AP1AR: variants seen among roughly 807,000 people sequenced by gnomAD.
AP1AR encodes the protein adaptor related protein complex 1 associated regulatory protein, also known as AP-1 complex-associated regulatory protein.
AP1AR carries 29 observed loss-of-function variants against 46.3 expected under a neutral mutation model. That is an observed-to-expected ratio of 0.63 (90% CI 0.47 to 0.85). AP1AR has a LOEUF of 0.85. Ranked by LOEUF, AP1AR falls within the 40% of genes least tolerant of loss-of-function variation. The probability of loss-of-function intolerance (pLI) is 0.00; values close to 1 mark genes in which losing one functional copy is unlikely to be tolerated. For synonymous variants in AP1AR, 122 were observed against 122.9 expected (o/e 0.99, Z 0.05); for missense variants, 357 against 356.3 (o/e 1.00, Z -0.02).
At chr4:112,252,685 C>G (rs921177936) in intron 1 of AP1AR, among the ~76,000 whole-genome samples, 22 of 152,246 alleles carry the variant, frequency 1.4e-4, no homozygotes, top group African/African-American at 5.3e-4. Context: ...CATTGTTTTT[C>G]TCTTTTATTT....
intron 1 of AP1AR, among the ~76,000 whole-genome samples, chr4:112,240,241 G>C (rs1389923780): frequency 1.3e-5 from 2 of 151,890 alleles, no homozygotes; most frequent in African/African-American, 4.8e-5. Context: ...ACTTTTCCTT[G>C]AATCTATTTC....
chr4:112,259,160 A>C (rs1353570542), intron 4 of AP1AR, among the ~76,000 whole-genome samples: 2 of 152,218 alleles, frequency 1.3e-5, no homozygotes, highest in Non-Finnish European at 2.9e-5. Flanking sequence ...TGAGGTAGTA[A>C]GATAAGGACT....
intron 3 of AP1AR, among the ~76,000 whole-genome samples, chr4:112,255,181 G>T (rs907602159): frequency 6.6e-6 from 1 of 151,962 alleles, no homozygotes; most frequent in Non-Finnish European, 1.5e-5. Flanking sequence ...GGATGGTCTC[G>T]ATCTCCTGAC....
At chr4:112,255,528 G>C (rs574811513) in intron 3 of AP1AR, among the ~76,000 whole-genome samples, 1 of 152,304 alleles carries the variant, frequency 6.6e-6, no homozygotes, top group South Asian at 2.1e-4. Context: ...CCTCAGCTGA[G>C]TAGCTGGGAC....
At position 112,268,229 on chromosome 4, in the gene AP1AR, G is replaced by A. The variant is rs1726787809; in HGVS notation, c.729G>A (p.Lys243=). 6.2e-7 allele frequency: 1 copy of A among 1,612,766 alleles called. No individual in the cohort carries two copies. ...CAGCACTTAAGTATAGCAACAAGAA[G>A]ACTGGAAGTAATCCTACATCAGCCT... ...LRAALKYSNK[K]TGSNPTSASD... is the part of the protein sequence containing the mutation. The change falls in exon 10 of 10, where the codon AAG becomes AAA. Residue 243 remains lysine, a synonymous_variant. Transcript: ENST00000274000.
At chr4:112,252,562 A>C (rs1463820299) in intron 1 of AP1AR, among the ~76,000 whole-genome samples, 2 of 152,236 alleles carry the variant, frequency 1.3e-5, no homozygotes, top group African/African-American at 4.8e-5. Flanking sequence ...GAAGATTCCT[A>C]TTTGACTACA....
chr4:112,260,101 G>C (rs1346671744), intron 4 of AP1AR, among the ~76,000 whole-genome samples: 1 of 152,178 alleles, frequency 6.6e-6, no homozygotes, highest in Non-Finnish European at 1.5e-5. Flanking sequence ...TTCTCTAGCA[G>C]CCTGAAACAG....
rs1578395847 is a variant in AP1AR at position 112,231,972 on chromosome 4, G to C, written c.-120G>C. 1.1e-6 allele frequency: 1 copy of C among 942,134 alleles called. No homozygotes were observed. The highest frequency in any genetic ancestry group is 1.4e-6 in the Non-Finnish European group (1 of 708,708). The allele number at this position is 942,134 out of a possible 1,614,324, so 58.4% of individuals were successfully genotyped here. On this transcript the variant is annotated 5_prime_UTR_variant, in exon 1 of 10. Coordinates refer to ENST00000274000, the MANE Select transcript of AP1AR (RefSeq NM_018569.6). ...GCCCTCACGCCGCCGGGCTCTGGCC[G>C]GCCCGCCCTCGGTCCTTGAACCCCA...
intron 1 of AP1AR, among the ~76,000 whole-genome samples, chr4:112,245,977 A>G (rs370901132): frequency 2.6e-5 from 4 of 152,008 alleles, no homozygotes; most frequent in East Asian, 1.9e-4. Flanking sequence ...TTCACCTAAG[A>G]TTATTAGAAA....
At chr4:112,233,278 C>G (rs1274660629) in intron 1 of AP1AR, among the ~76,000 whole-genome samples, 4 of 152,140 alleles carry the variant, frequency 2.6e-5, no homozygotes, top group Non-Finnish European at 5.9e-5. Flanking sequence ...ATTGTGTCAC[C>G]TCTCTGATAC....
chr4:112,243,915 A>C (rs1725614165), intron 1 of AP1AR, among the ~76,000 whole-genome samples: 1 of 152,116 alleles, frequency 6.6e-6, no homozygotes, highest in Non-Finnish European at 1.5e-5. Flanking sequence ...ACCAATAATG[A>C]ATTTTCATTG....
At chr4:112,246,311 G>A (rs1450477185) in intron 1 of AP1AR, among the ~76,000 whole-genome samples, 1 of 152,126 alleles carries the variant, frequency 6.6e-6, no homozygotes, top group East Asian at 1.9e-4. Context: ...TTCGAGACCA[G>A]CCTGGCCAAT....
chr4:112,253,352 G>A, intron 2 of AP1AR, 96 bp downstream of exon 2: 3 of 848,106 alleles, frequency 3.5e-6, no homozygotes, highest in Non-Finnish European at 5.8e-6. Context: ...CCCAAATTTA[G>A]AATGGACTGT....
Position 112,269,343 on chromosome 4 carries a change from G to C in AP1AR, c.*934G>C. 6.6e-6 allele frequency: 1 copy of C among 152,272 alleles called. No homozygotes were observed. The highest frequency in any genetic ancestry group is 1.9e-4 in the East Asian group (1 of 5,172). 9.4% of individuals were successfully genotyped at this position (152,272 alleles called of 1,614,324 possible). ...TGAAAGGCTCCATTGATTTTATTAAGCCTTCCTTTACCTTGTAGTACAAGG... is the reference window on the plus strand; with the variant it reads ...TGAAAGGCTCCATTGATTTTATTAACCCTTCCTTTACCTTGTAGTACAAGG... On this transcript the variant is annotated 3_prime_UTR_variant, in exon 10 of 10. Transcript: ENST00000274000.
At chr4:112,236,400 C>CCT (rs1725241647) in intron 1 of AP1AR, among the ~76,000 whole-genome samples, 1 of 143,398 alleles carries the variant, frequency 7.0e-6, no homozygotes, top group African/African-American at 2.6e-5. Context: ...ATTTCTAAGT[C>CCT]TTTTTTTTTT....
At position 112,270,172 on chromosome 4, in the gene AP1AR, TGGA is replaced by T. The variant is rs1726892635; in HGVS notation, c.*1764_*1766del. 6.6e-6 allele frequency: 1 copy of T among 152,578 alleles called. No individual in the cohort carries two copies. The highest frequency in any genetic ancestry group is 2.4e-5 in the African/African-American group (1 of 41,468). The allele number at this position is 152,578 out of a possible 1,614,324, so 9.5% of individuals were successfully genotyped here. On this transcript the variant is annotated 3_prime_UTR_variant, in exon 10 of 10. Transcript: ENST00000274000. ...ACAAAAGTAAATTAAGAAAGCAAGATGGAACTAGAAAATGTGTTTTAACTGTTA... is the reference window on the plus strand; with the variant it reads ...ACAAAAGTAAATTAAGAAAGCAAGATACTAGAAAATGTGTTTTAACTGTTA...
At chr4:112,237,545 C>T (rs1393624339) in intron 1 of AP1AR, among the ~76,000 whole-genome samples, 1 of 152,106 alleles carries the variant, frequency 6.6e-6, no homozygotes, top group African/African-American at 2.4e-5. Context: ...AAAACCTCCA[C>T]CTCCCAGGCT....
Position 112,268,259 on chromosome 4 carries a change from T to C in AP1AR, c.759T>C (p.Asp253=). The change falls in exon 10 of 10, where the codon GAT becomes GAC. Residue 253 remains aspartate (D), a synonymous_variant. Coordinates refer to ENST00000274000, the MANE Select transcript of AP1AR (RefSeq NM_018569.6). The part of the protein sequence containing the change: ...KTGSNPTSAS[D]DSNGLEWEND... ...GAAGTAATCCTACATCAGCCTCTGA[T>C]GATTCCAATGGGCTGGAGTGGGAAA... is the stretch of plus-strand genomic sequence containing the variant. 1.2e-6 allele frequency: 2 copies of C among 1,613,268 alleles called. No homozygotes were observed.
intron 1 of AP1AR, among the ~76,000 whole-genome samples, chr4:112,235,169 C>T (rs191377227): frequency 3.3e-5 from 5 of 152,300 alleles, no homozygotes; most frequent in African/African-American, 1.2e-4. Context: ...TACTTCTTCA[C>T]TGGAGTTTTG....
Sources: gnomAD v4.1 joint callset for allele counts (sites outside exome capture counted in the v4.1 genomes callset) on GRCh38, gnomAD v4.1.1 for gene constraint, MANE v1.5 for transcripts, NCBI Gene and HGNC (gene_info 2026-07-23, HGNC 2026-07-21) for gene names.